The following SIK2 variants were observed in gnomAD, a reference collection of about 807,000 sequenced individuals.
The protein encoded by SIK2 is salt inducible kinase 2.
SIK2 carries 29 observed loss-of-function variants against 103.2 expected under a neutral mutation model. The observed-to-expected ratio is 0.28, with a 90% confidence interval of 0.21 to 0.38. SIK2 has a LOEUF of 0.38. Among genes scored for constraint, SIK2 ranks in the 10% least tolerant of loss-of-function variants. The probability of loss-of-function intolerance (pLI) is 1.00; values close to 1 mark genes in which losing one functional copy is unlikely to be tolerated. For missense variants in SIK2, 879 were observed against 1,171.0 expected, an observed-to-expected ratio of 0.75 and a Z score of 3.64; for synonymous variants, 412 against 446.1, an observed-to-expected ratio of 0.92 and a Z score of 0.96.
chr11:111,621,265 T>C (rs1259741887), intron 3 of SIK2, among the ~76,000 whole-genome samples: 1 of 152,242 alleles, frequency 6.6e-6, no homozygotes, highest in Non-Finnish European at 1.5e-5. Context: ...GACCTGTTTT[T>C]TGTCATTATG....
intron 3 of SIK2, among the ~76,000 whole-genome samples, chr11:111,667,461 T>C (rs1942560338): frequency 6.6e-6 from 1 of 151,440 alleles, no homozygotes; most frequent in East Asian, 1.9e-4. Flanking sequence ...TTTTAAATGA[T>C]ACTGATCAAT....
Position 111,620,343 on chromosome 11 carries a change from T to G in SIK2, c.257T>G (p.Met86Arg). Residue 86 changes from methionine (M) to arginine (R), a missense_variant, in exon 3 of 15, where the codon ATG (methionine) becomes AGG (arginine). Around this residue, in one of 7 missense-constraint regions of SIK2, gnomAD observed 126 missense variants for 245.5 expected, o/e 0.51. Transcript: ENST00000304987. ...HPHIIKLYQV[M>R]ETKSMLYLVT... ...TATGGAATTATTTATCAATAGGTAA[T>G]GGAGACCAAAAGTATGTTGTACCTT... The G allele has an allele frequency of 1.3e-6, 2 of 1,585,096 alleles. No individual in the cohort carries two copies. Among genetic ancestry groups the G allele is most frequent in the Non-Finnish European group, 1.7e-6 (2 of 1,164,116 alleles).
chr11:111,638,886 T>C (rs1942145164), intron 3 of SIK2, among the ~76,000 whole-genome samples: 1 of 152,216 alleles, frequency 6.6e-6, no homozygotes, highest in South Asian at 2.1e-4. Context: ...TTTTTTGTTT[T>C]GTTTTGTTTT....
In SIK2 at chr11:111,624,187, C is replaced by T. The variant is rs1339935613; in HGVS notation, c.316+3785C>T. On this transcript the variant is annotated intron_variant, in intron 3 of 14. Transcript: ENST00000304987. ...TATTTTAAAGAGAAAGAACCATATG[C>T]ACTTCTATAGTTTTGAAAAATACAC... Among the ~76,000 whole-genome samples the T allele has an allele frequency of 2.0e-5, 3 of 152,194 alleles. No homozygotes were observed. The South Asian group carries it at 6.2e-4, about 32-fold the overall frequency.
chr11:111,651,572 T>C (rs1942326707), intron 3 of SIK2, among the ~76,000 whole-genome samples: 1 of 152,150 alleles, frequency 6.6e-6, no homozygotes, highest in Non-Finnish European at 1.5e-5. Context: ...AAATAGCTAA[T>C]GCATGCAGGG....
At chr11:111,719,356 CTTTTT>C (rs10595659) in intron 9 of SIK2, among the ~76,000 whole-genome samples, 29 of 118,844 alleles carry the variant, frequency 2.4e-4, no homozygotes, top group Non-Finnish European at 4.0e-4. Flanking sequence ...GTGACTACCC[CTTTTT>C]TTTTTTTTTT....
At chr11:111,682,806 C>T (rs943623471) in intron 3 of SIK2, among the ~76,000 whole-genome samples, 2 of 152,152 alleles carry the variant, frequency 1.3e-5, no homozygotes, top group African/African-American at 4.8e-5. Flanking sequence ...ACCTTCATCA[C>T]AGTGTATTGT....
intron 1 of SIK2, among the ~76,000 whole-genome samples, chr11:111,603,677 G>A (rs1174851589): frequency 6.6e-6 from 1 of 152,064 alleles, no homozygotes; most frequent in African/African-American, 2.4e-5. Flanking sequence ...AAATACCTTA[G>A]AAGAACGGTA....
chr11:111,723,232 C>T (rs1252592900), intron 14 of SIK2, among the ~76,000 whole-genome samples: 2 of 152,160 alleles, frequency 1.3e-5, no homozygotes, highest in Non-Finnish European at 2.9e-5. Context: ...AAATCATCCT[C>T]TCATTGTATA....
chr11:111,663,863 G>A (rs1043187008), intron 3 of SIK2, among the ~76,000 whole-genome samples: 4 of 152,214 alleles, frequency 2.6e-5, no homozygotes, highest in Admixed American at 1.3e-4. Context: ...GGAATGGATA[G>A]AGTTATTATC....
chr11:111,729,508 T>G lies in SIK2; in HGVS notation c.*5379T>G, dbSNP rs1044901582. On this transcript the variant is annotated 3_prime_UTR_variant, in exon 15 of 15. Transcript: ENST00000304987. Reference sequence around the variant, plus strand: ...ACCAAAGCTTTGGGAAGTTTGTGACTTCTCTGAGATCACAGCTGGTGATAG... The same window carrying G: ...ACCAAAGCTTTGGGAAGTTTGTGACGTCTCTGAGATCACAGCTGGTGATAG... 3 of 152,278 alleles carry G rather than the reference T, an allele frequency of 2.0e-5. No homozygotes were observed. Among genetic ancestry groups the G allele is most frequent in the African/African-American group, 7.2e-5 (3 of 41,470 alleles). 9.4% of individuals were successfully genotyped at this position (152,278 alleles called of 1,614,324 possible).
intron 12 of SIK2, among the ~76,000 whole-genome samples, chr11:111,721,474 A>G (rs148370330): frequency 6.5e-4 from 99 of 152,346 alleles, no homozygotes; most frequent in African/African-American, 2.1e-3. Flanking sequence ...CAAGTGGATT[A>G]TTCATACTAA....
intron 3 of SIK2, among the ~76,000 whole-genome samples, chr11:111,673,260 T>G (rs1407992873): frequency 1.3e-5 from 2 of 152,242 alleles, no homozygotes; most frequent in African/African-American, 4.8e-5. Flanking sequence ...ATTGTCAGTT[T>G]CTTTTGCTGT....
At chr11:111,716,113 T>C (rs1328323054) in intron 9 of SIK2, among the ~76,000 whole-genome samples, 1 of 152,152 alleles carries the variant, frequency 6.6e-6, no homozygotes, top group Non-Finnish European at 1.5e-5. Context: ...ATTTTTAGCA[T>C]TTTTATTTGA....
chr11:111,720,327 A>G (rs1943763414), intron 10 of SIK2, 151 bp from the exon 11 acceptor site: 1 of 833,202 alleles, frequency 1.2e-6, no homozygotes, highest in Non-Finnish European at 1.8e-6. Context: ...GAAGATGACT[A>G]AATTGGCCAG....
rs747667734 is a variant in SIK2, at chr11:111,712,415, C to T, written c.1266+40C>T. On this transcript the variant is annotated intron_variant, in intron 9 of 14. Transcript: ENST00000304987. Reference sequence around the variant, plus strand: ...GAGAGTCTCAGAACTGGCAGTTTGGCGAGAGATTTCAGTTTGGTCCACAAG... The same window carrying T: ...GAGAGTCTCAGAACTGGCAGTTTGGTGAGAGATTTCAGTTTGGTCCACAAG... The T allele has an allele frequency of 6.3e-6, 10 of 1,580,538 alleles. No individual in the cohort carries two copies. The Admixed American group carries it at 9.0e-5, about 14-fold the overall frequency.
intron 1 of SIK2, among the ~76,000 whole-genome samples, chr11:111,608,438 AAAG>A (rs1409360643): frequency 2.6e-5 from 4 of 152,300 alleles, no homozygotes; most frequent in African/African-American, 9.6e-5. Context: ...TGAAAAGCCC[AAAG>A]AAGAAGATTA....
chr11:111,602,681 C>A lies in SIK2; in HGVS notation c.118C>A (p.Arg40=), dbSNP rs539674123. The A allele has an allele frequency of 1.5e-5, 23 of 1,522,874 alleles. 1 individual carries two copies. The Admixed American group carries it at 3.5e-4, about 23-fold the overall frequency. 94.3% of individuals were successfully genotyped at this position (1,522,874 alleles called of 1,614,324 possible). The part of the protein sequence containing the change: ...NFAVVKLGRH[R]ITKTEVAIKI... ...CGCTGTGGTGAAGCTGGGGCGGCAC[C>A]GGATCACCAAGACGGAGGTGCGGCC... The change falls in exon 1 of 15, where the codon CGG becomes AGG. Residue 40 remains arginine, a synonymous_variant. Transcript: ENST00000304987. The surrounding 1 kb of genome is among the most constrained non-coding windows in gnomAD (Gnocchi z 4.5).
At chr11:111,660,782 A>G (rs1208254325) in intron 3 of SIK2, among the ~76,000 whole-genome samples, 1 of 151,564 alleles carries the variant, frequency 6.6e-6, no homozygotes, top group Non-Finnish European at 1.5e-5. Context: ...GTACCAGTAA[A>G]GACATACTTT....
Sources: gnomAD v4.1 joint callset for allele counts (sites outside exome capture counted in the v4.1 genomes callset) on GRCh38, gnomAD v4.1.1 for gene constraint, gnomAD v4.1.1 regional missense constraint, Gnocchi (gnomAD v3.1) non-coding constraint, MANE v1.5 for transcripts, NCBI Gene and HGNC (gene_info 2026-07-23, HGNC 2026-07-21) for gene names.